EPHA7: variants seen among roughly 807,000 people sequenced by gnomAD.
EPHA7 encodes the protein EPH receptor A7.
Under a neutral mutation model 112.6 loss-of-function variants are expected in EPHA7, and 25 were observed. That is an observed-to-expected ratio of 0.22 (90% CI 0.16 to 0.31). The LOEUF is 0.31. EPHA7 is among the 10% of genes least tolerant of loss of function. The pLI, the probability that EPHA7 is intolerant of heterozygous loss-of-function variation, is 1.00. For missense variants in EPHA7, 962 were observed against 1,212.6 expected, an observed-to-expected ratio of 0.79 and a Z score of 3.07; for synonymous variants, 437 against 406.5, an observed-to-expected ratio of 1.07 and a Z score of -0.90.
At chr6:93,280,660 T>C (rs555443462) in intron 5 of EPHA7, among the ~76,000 whole-genome samples, 1 of 152,142 alleles carries the variant, frequency 6.6e-6, no homozygotes, top group South Asian at 2.1e-4. Context: ...TGTGTGACCT[T>C]GAGCAGAAAA....
At chr6:93,313,919 A>G (rs1298189291) in intron 5 of EPHA7, among the ~76,000 whole-genome samples, 1 of 152,160 alleles carries the variant, frequency 6.6e-6, no homozygotes, top group African/African-American at 2.4e-5. Context: ...TAGCAAATTC[A>G]TTAGGAATAA....
At chr6:93,361,600 T>A (rs164547) in intron 3 of EPHA7, among the ~76,000 whole-genome samples, 94,740 of 151,852 alleles carry the variant, frequency 0.62, 29,607 homozygotes, top group African/African-American at 0.67. Flanking sequence ...GAAAAGCTAC[T>A]TGGAAATCCA....
chr6:93,259,117 C>G (rs1326810255), intron 10 of EPHA7, among the ~76,000 whole-genome samples: 1 of 151,942 alleles, frequency 6.6e-6, no homozygotes, highest in African/African-American at 2.4e-5. Flanking sequence ...TGTAGTAGAA[C>G]AATATCTTAA....
chr6:93,381,362 T>G (rs1582634106), intron 3 of EPHA7, among the ~76,000 whole-genome samples: 1 of 152,350 alleles, frequency 6.6e-6, no homozygotes, highest in East Asian at 1.9e-4. Flanking sequence ...GGAACCCAAA[T>G]ATGATCTAAT....
At chr6:93,356,300 C>A (rs1165912964) in intron 5 of EPHA7, among the ~76,000 whole-genome samples, 3 of 151,938 alleles carry the variant, frequency 2.0e-5, no homozygotes, top group Non-Finnish European at 2.9e-5. Flanking sequence ...TTCTGCCTCC[C>A]AGGTTCAAGT....
At chr6:93,272,938 A>T (rs1771298145) in intron 5 of EPHA7, among the ~76,000 whole-genome samples, 4 of 151,942 alleles carry the variant, frequency 2.6e-5, no homozygotes, top group African/African-American at 9.7e-5. Context: ...AAGAATTCCA[A>T]ACAACTTTGG....
At chr6:93,286,577 T>C (rs1052039770) in intron 5 of EPHA7, among the ~76,000 whole-genome samples, 1 of 152,132 alleles carries the variant, frequency 6.6e-6, no homozygotes, top group Non-Finnish European at 1.5e-5. Context: ...TTCTCCCTGC[T>C]CCCCAGTTAA....
chr6:93,406,389 AC>A, intron 3 of EPHA7, among the ~76,000 whole-genome samples: 1 of 151,958 alleles, frequency 6.6e-6, no homozygotes, highest in South Asian at 2.1e-4. Flanking sequence ...ATTAAAAAAA[AC>A]AATTATCCCA....
chr6:93,264,437 A>G (rs2127868711), intron 8 of EPHA7, among the ~76,000 whole-genome samples, 157 bp downstream of exon 8: 1 of 151,752 alleles, frequency 6.6e-6, no homozygotes. Context: ...TTCCATTTTG[A>G]TCTTGAAGGA....
In EPHA7 at chr6:93,322,077, A is replaced by G. The variant is rs1017543203; in HGVS notation, c.1324+34640T>C. On this transcript the variant is annotated intron_variant, in intron 5 of 16. Transcript: ENST00000369303. ...AATGTAAAAAACAATACAAGGCTCAATATGTCATAAGCTAAGCACACAGGC... is the reference window on the plus strand; with the variant it reads ...AATGTAAAAAACAATACAAGGCTCAGTATGTCATAAGCTAAGCACACAGGC... Among the ~76,000 whole-genome samples, 5 of 151,814 alleles carry G rather than the reference A, an allele frequency of 3.3e-5. No homozygotes were observed. In the East Asian group the frequency reaches 9.6e-4, roughly 29 times the overall value.
intron 5 of EPHA7, among the ~76,000 whole-genome samples, chr6:93,282,911 G>A (rs1283735518): frequency 4.6e-5 from 7 of 152,180 alleles, no homozygotes; most frequent in African/African-American, 1.4e-4. Context: ...GTTCCTGCAT[G>A]GCCAGAGCCT....
intron 3 of EPHA7, among the ~76,000 whole-genome samples, chr6:93,370,332 C>A (rs867549253): frequency 6.6e-6 from 1 of 151,988 alleles, no homozygotes; most frequent in African/African-American, 2.4e-5. Flanking sequence ...AATACATGAC[C>A]TACCCAAACC....
At chr6:93,411,268 T>G (rs1778965205) in intron 2 of EPHA7, 98 bp from the exon 3 acceptor site, 1 of 959,482 alleles carries the variant, frequency 1.0e-6, no homozygotes, top group Admixed American at 2.4e-5. Context: ...TTCGAAAAAG[T>G]TAGGTTGATT....
intron 3 of EPHA7, among the ~76,000 whole-genome samples, chr6:93,387,168 G>A (rs1777648876): frequency 6.6e-6 from 1 of 151,730 alleles, no homozygotes; most frequent in African/African-American, 2.4e-5. Context: ...GTTTCCTCTT[G>A]TATGCTTTGT....
chr6:93,351,753 T>C (rs147002968), intron 5 of EPHA7, among the ~76,000 whole-genome samples: 4 of 152,172 alleles, frequency 2.6e-5, no homozygotes, highest in Non-Finnish European at 4.4e-5. Flanking sequence ...TTCATGCACA[T>C]TTTACATTTC....
chr6:93,279,530 G>C (rs187196995), intron 5 of EPHA7, among the ~76,000 whole-genome samples: 51 of 152,224 alleles, frequency 3.4e-4, no homozygotes, highest in African/African-American at 1.1e-3. Flanking sequence ...GGTAGGCAAA[G>C]TTACATGGAC....
intron 5 of EPHA7, among the ~76,000 whole-genome samples, chr6:93,279,579 G>T (rs1367264473): frequency 6.6e-6 from 1 of 152,098 alleles, no homozygotes; most frequent in African/African-American, 2.4e-5. Context: ...AACTCCTTTA[G>T]AGGTTTTGCT....
chr6:93,378,172 G>A (rs1225654302), intron 3 of EPHA7, among the ~76,000 whole-genome samples: 1 of 152,064 alleles, frequency 6.6e-6, no homozygotes, highest in African/African-American at 2.4e-5. Flanking sequence ...CTAAGGCAAT[G>A]ATCATGGTGC....
At chr6:93,391,819 G>C (rs574650) in intron 3 of EPHA7, among the ~76,000 whole-genome samples, 42,034 of 151,070 alleles carry the variant, frequency 0.28, 7,240 homozygotes, top group African/African-American at 0.49. Flanking sequence ...TATTGCTTCC[G>C]AATTTACCTT....
Sources: gnomAD v4.1 joint callset for allele counts (sites outside exome capture counted in the v4.1 genomes callset) on GRCh38, gnomAD v4.1.1 for gene constraint, MANE v1.5 for transcripts, NCBI Gene and HGNC (gene_info 2026-07-23, HGNC 2026-07-21) for gene names.